Variants in LCOR observed in about 807,000 individuals in gnomAD.
The protein encoded by LCOR is ligand-dependent corepressor.
Under a neutral mutation model 64.4 loss-of-function variants are expected in LCOR, and 14 were observed. The observed-to-expected ratio is 0.22, with a 90% CI of 0.14 to 0.34. The LOEUF is 0.34. LCOR is among the 10% of genes least tolerant of loss of function. The probability of loss-of-function intolerance (pLI) is 1.00; values close to 1 mark genes in which losing one functional copy is unlikely to be tolerated. For synonymous variants in LCOR, 643 were observed against 642.5 expected (o/e 1.00, Z -0.01); for missense variants, 1,686 against 1,765.3 (o/e 0.96, Z 0.80).
chr10:96,966,474 C>T (rs893448942), intron 7 of LCOR, among the ~76,000 whole-genome samples: 8 of 151,808 alleles, frequency 5.3e-5, no homozygotes, highest in Admixed American at 1.3e-4. Context: ...GTGATCCGCC[C>T]GTCTCGGCCT....
intron 6 of LCOR, among the ~76,000 whole-genome samples, chr10:96,951,767 G>T (rs1847684952): frequency 6.6e-6 from 1 of 152,114 alleles, no homozygotes; most frequent in Non-Finnish European, 1.5e-5. Context: ...GGAAAATTTA[G>T]AAAATGGAGT....
At chr10:96,897,095 G>C (rs374670166) in intron 2 of LCOR, among the ~76,000 whole-genome samples, 1 of 67,866 alleles carries the variant, frequency 1.5e-5, no homozygotes, top group Non-Finnish European at 2.9e-5. Flanking sequence ...GAAAGAGAAA[G>C]AAAAGCAAAA....
intron 2 of LCOR, among the ~76,000 whole-genome samples, chr10:96,855,586 C>G (rs1013809779): frequency 2.0e-5 from 3 of 151,864 alleles, no homozygotes; most frequent in Non-Finnish European, 4.4e-5. Context: ...AGGCGCCCAC[C>G]ACCATACTTG....
chr10:96,907,729 G>GACA lies in LCOR; in HGVS notation c.-201_-200insCAA. On this transcript the variant is annotated 5_prime_UTR_variant, in exon 4 of 8. Transcript: ENST00000421806. ...ATGAAAACTGTTTATTCTGTTGCTT[G>GACA]AGAAGAGATAAAGTAAAGGTAACTA... 1.0e-6 allele frequency: 1 copy of GACA among 982,120 alleles called. No individual in the cohort carries two copies. Among genetic ancestry groups the GACA allele is most frequent in the African/African-American group, 1.7e-5 (1 of 57,272 alleles). The allele number at this position is 982,120 out of a possible 1,614,324, so 60.8% of individuals were successfully genotyped here.
chr10:96,870,584 CAT>C (rs1415214544), intron 2 of LCOR, among the ~76,000 whole-genome samples: 5 of 152,142 alleles, frequency 3.3e-5, no homozygotes, highest in East Asian at 3.8e-4. Context: ...TTTTGAAAAA[CAT>C]GTGCTATTTG....
chr10:96,879,940 G>A lies in LCOR; in HGVS notation c.-329-27325G>A, dbSNP rs570606831. On this transcript the variant is annotated intron_variant, in intron 2 of 7. Coordinates refer to ENST00000421806, the MANE Select transcript of LCOR (RefSeq NM_001346516.2). ...GGCCTCCCAAAGTGCTGGGATTACA[G>A]GTGTGAGCCACCGTGCCCGGCCGAT... Among the ~76,000 whole-genome samples the A allele has an allele frequency of 3.3e-5, 5 of 152,202 alleles. No homozygotes were observed. In the South Asian group the frequency reaches 1.0e-3, roughly 32 times the overall value.
chr10:96,905,105 T>C (rs1358878412), intron 2 of LCOR, among the ~76,000 whole-genome samples: 1 of 152,196 alleles, frequency 6.6e-6, no homozygotes, highest in Non-Finnish European at 1.5e-5. Flanking sequence ...TTTTCATCTG[T>C]GACTCAAATT....
chr10:96,936,202 T>G (rs145541876), intron 4 of LCOR, among the ~76,000 whole-genome samples: 2 of 152,332 alleles, frequency 1.3e-5, no homozygotes, highest in African/African-American at 4.8e-5. Flanking sequence ...GCAAAGGAAA[T>G]TAGAAACTAG....
At chr10:96,840,879 T>C (rs1845528139) in intron 2 of LCOR, among the ~76,000 whole-genome samples, 2 of 152,256 alleles carry the variant, frequency 1.3e-5, no homozygotes, top group Non-Finnish European at 2.9e-5. Context: ...GGCTCACGCC[T>C]GTAATTCCAG....
At chr10:96,970,624 A>AT (rs1181172810) in intron 7 of LCOR, among the ~76,000 whole-genome samples, 6,264 of 128,950 alleles carry the variant, frequency 0.049, 498 homozygotes, top group African/African-American at 0.18. Context: ...ATTTTATTTT[A>AT]TTTATTTTAT....
At chr10:96,838,725 T>C (rs1845489287) in intron 2 of LCOR, among the ~76,000 whole-genome samples, 1 of 152,268 alleles carries the variant, frequency 6.6e-6, no homozygotes, top group South Asian at 2.1e-4. Flanking sequence ...TATCCGTTAA[T>C]CAGTTGATGG....
At chr10:96,896,722 C>T (rs1374263501) in intron 2 of LCOR, among the ~76,000 whole-genome samples, 2 of 152,012 alleles carry the variant, frequency 1.3e-5, no homozygotes, top group African/African-American at 2.4e-5. Flanking sequence ...TGATACTCGG[C>T]CCAAAGTAAT....
At chr10:96,931,953 G>A (rs1847268862) in intron 4 of LCOR, among the ~76,000 whole-genome samples, 1 of 152,156 alleles carries the variant, frequency 6.6e-6, no homozygotes, top group Admixed American at 6.6e-5. Flanking sequence ...TACTCTCTAG[G>A]TATAATGCTA....
rs1848137986 is a variant in LCOR, at chr10:96,985,126, G to A, written c.4666G>A (p.Ala1556Thr). 6.3e-7 allele frequency: 1 copy of A among 1,590,502 alleles called. No individual in the cohort carries two copies. The highest frequency in any genetic ancestry group is 8.5e-7 in the Non-Finnish European group (1 of 1,171,732). Residue 1556 changes from alanine to threonine, a missense_variant, in exon 8 of 8, where the codon GCA becomes ACA. Physicochemically the swap from Ala to Thr is moderately conservative, Grantham distance 58. Around this residue, in one of 3 missense-constraint regions of LCOR, gnomAD observed 1,293 missense variants for 1,410.4 expected, o/e 0.92. Transcript: ENST00000421806. The stretch of plus-strand genomic sequence containing the variant: ...GCACAGCAAACGGAGGCGGCTGGAT[G>A]CAAAGTGATTGGAAAGATGGTAGCC... The part of the protein sequence containing the change: ...CSHSKRRRLD[A>T]K
rs543522802 is a variant in LCOR, at chr10:96,845,144, TA to T, written c.-330+11672del. ...ATGAATAAAAGCTTAAAAATCAACT[TA>T]AAAAAAGATGATAACTCATACATCA... On this transcript the variant is annotated intron_variant, in intron 2 of 7. Coordinates refer to ENST00000421806, the MANE Select transcript of LCOR (RefSeq NM_001346516.2). Among the ~76,000 whole-genome samples, 143 of 152,130 alleles carry T rather than the reference TA, an allele frequency of 9.4e-4. 2 individuals are homozygous for T. In the South Asian group the frequency reaches 0.019, roughly 20 times the overall value.
intron 2 of LCOR, among the ~76,000 whole-genome samples, chr10:96,872,244 A>G (rs1174703344): frequency 6.6e-6 from 1 of 152,260 alleles, no homozygotes; most frequent in East Asian, 1.9e-4. Context: ...AGTAAAAAGT[A>G]TTGCTGAACC....
chr10:96,940,023 A>G (rs1847421951), intron 4 of LCOR, among the ~76,000 whole-genome samples: 1 of 152,250 alleles, frequency 6.6e-6, no homozygotes, highest in Non-Finnish European at 1.5e-5. Context: ...ATGTGCCAAT[A>G]AGCACGTGAA....
At chr10:96,881,742 C>G (rs1846266625) in intron 2 of LCOR, among the ~76,000 whole-genome samples, 1 of 152,186 alleles carries the variant, frequency 6.6e-6, no homozygotes, top group Admixed American at 6.5e-5. Context: ...CAGGCGTGAG[C>G]CACCATGCCC....
chr10:96,902,469 T>C (rs146084369), intron 2 of LCOR, among the ~76,000 whole-genome samples: 2 of 152,362 alleles, frequency 1.3e-5, no homozygotes, highest in East Asian at 3.9e-4. Flanking sequence ...GCCTGAATGG[T>C]CATTGCTCAT....
Sources: gnomAD v4.1 joint callset for allele counts (sites outside exome capture counted in the v4.1 genomes callset) on GRCh38, gnomAD v4.1.1 for gene constraint, gnomAD v4.1.1 regional missense constraint, MANE v1.5 for transcripts, NCBI Gene and HGNC (gene_info 2026-07-23, HGNC 2026-07-21) for gene names.